CAMTA1: variants seen among roughly 807,000 people sequenced by gnomAD.
CAMTA1 encodes calmodulin binding transcription activator 1.
A neutral mutation model predicts 170.9 loss-of-function variants in CAMTA1; 27 were observed. That is an observed-to-expected ratio of 0.16 (90% CI 0.12 to 0.22). The LOEUF (loss-of-function observed/expected upper bound fraction) is 0.22, where lower values mean the gene tolerates loss of function less well. CAMTA1 is among the 10% of genes least tolerant of loss of function. The pLI is 1.00. For missense variants in CAMTA1, 1,619 were observed against 2,217.2 expected (o/e 0.73, Z 5.42); for synonymous variants, 833 against 891.5 (o/e 0.93, Z 1.17).
chr1:6,921,935 C>G lies in CAMTA1; in HGVS notation c.234+96725C>G, dbSNP rs1374186906. 2.6e-5 allele frequency among the ~76,000 whole-genome samples: 4 copies of G among 152,280 alleles called. No individual in the cohort carries two copies. In the East Asian group the frequency reaches 7.7e-4, roughly 29 times the overall value. On this transcript the variant is annotated intron_variant, in intron 3 of 22. Coordinates refer to ENST00000303635, the MANE Select transcript of CAMTA1 (RefSeq NM_015215.4). The stretch of plus-strand genomic sequence containing the variant: ...ACAGAGCCAAACCATATCAGTGGGG[C>G]TGACCCAGGATGGCCAACTTCTGAT...
intron 6 of CAMTA1, among the ~76,000 whole-genome samples, chr1:7,597,119 C>T (rs908816072): frequency 6.6e-6 from 1 of 152,172 alleles, no homozygotes; most frequent in Non-Finnish European, 1.5e-5. Flanking sequence ...CACGAGCCCA[C>T]TTACCCAGTG....
chr1:7,122,377 C>G (rs1313219277), intron 4 of CAMTA1, among the ~76,000 whole-genome samples: 1 of 152,048 alleles, frequency 6.6e-6, no homozygotes, highest in Non-Finnish European at 1.5e-5. Context: ...GAAATGGAGA[C>G]AGCTCACGGA....
intron 3 of CAMTA1, among the ~76,000 whole-genome samples, chr1:6,948,767 G>A (rs1351419551): frequency 6.6e-6 from 1 of 152,134 alleles, no homozygotes; most frequent in Non-Finnish European, 1.5e-5. Flanking sequence ...CATGTACTCA[G>A]CTCAGAAATG....
chr1:7,068,988 G>A (rs1005781122), intron 3 of CAMTA1, among the ~76,000 whole-genome samples: 4 of 152,198 alleles, frequency 2.6e-5, no homozygotes, highest in Non-Finnish European at 1.5e-5. Context: ...GACGGTGGGA[G>A]GAATGGCCAA....
At chr1:6,871,662 T>C in intron 3 of CAMTA1, 1 of 1,063,360 alleles carries the variant, frequency 9.4e-7, no homozygotes, top group South Asian at 1.4e-5. Flanking sequence ...ACATCAGGAA[T>C]GATGGGGTTC....
chr1:6,852,666 C>T (rs889810775), intron 3 of CAMTA1, among the ~76,000 whole-genome samples: 1 of 152,234 alleles, frequency 6.6e-6, no homozygotes, highest in Non-Finnish European at 1.5e-5. Flanking sequence ...AACTTGCACA[C>T]CCTCTCCAGG....
chr1:7,575,380 T>G (rs1056902869), intron 6 of CAMTA1, among the ~76,000 whole-genome samples: 1 of 151,534 alleles, frequency 6.6e-6, no homozygotes, highest in African/African-American at 2.4e-5. Context: ...GGCAGGGAGG[T>G]GGGTCAGACG....
At chr1:7,450,617 C>T (rs186749852) in intron 5 of CAMTA1, among the ~76,000 whole-genome samples, 22 of 152,220 alleles carry the variant, frequency 1.4e-4, no homozygotes, top group African/African-American at 5.3e-4. Flanking sequence ...AATACCGCCC[C>T]GTGCAGGTTA....
At chr1:6,885,765 A>G (rs1352594753) in intron 3 of CAMTA1, among the ~76,000 whole-genome samples, 1 of 152,122 alleles carries the variant, frequency 6.6e-6, no homozygotes, top group African/African-American at 2.4e-5. Flanking sequence ...GAAGTGCAAC[A>G]TGCCCCACCC....
At position 6,798,638 on chromosome 1, in the gene CAMTA1, G is replaced by A. The variant is rs1325184401; in HGVS notation, c.45+13063G>A. ...GGAGTCTCGCTCTGTCGCCCAGGCCGGACTGCGGACTGCAGTGGCGCAATC... is the reference window on the plus strand; with the variant it reads ...GGAGTCTCGCTCTGTCGCCCAGGCCAGACTGCGGACTGCAGTGGCGCAATC... On this transcript the variant is annotated intron_variant, in intron 1 of 22. Coordinates refer to ENST00000303635, the MANE Select transcript of CAMTA1 (RefSeq NM_015215.4). 7.1e-5 allele frequency among the ~76,000 whole-genome samples: 7 copies of A among 99,198 alleles called. 1 individual carries two copies. In the South Asian group the frequency reaches 1.7e-3, roughly 24 times the overall value. 65.1% of individuals were successfully genotyped at this position (99,198 alleles called of 152,430 possible). A position where few individuals can be genotyped will look rare whatever the true frequency, so the allele number is the denominator to read the frequency against.
At chr1:7,498,664 GACT>G (rs770689447) in intron 6 of CAMTA1, among the ~76,000 whole-genome samples, 10 of 152,268 alleles carry the variant, frequency 6.6e-5, no homozygotes, top group African/African-American at 9.6e-5. Flanking sequence ...GTGGATGTAT[GACT>G]ACATTGAGTG....
intron 3 of CAMTA1, among the ~76,000 whole-genome samples, chr1:6,987,550 T>G (rs1038394210): frequency 3.3e-5 from 5 of 152,238 alleles, no homozygotes; most frequent in African/African-American, 9.6e-5. Context: ...CAGTCCAGGT[T>G]GAGGACCACC....
intron 7 of CAMTA1, among the ~76,000 whole-genome samples, chr1:7,652,422 C>T (rs910555125): frequency 6.6e-6 from 1 of 152,186 alleles, no homozygotes; most frequent in Non-Finnish European, 1.5e-5. Flanking sequence ...GTCTGGGTGG[C>T]TTGGCCAGAT....
chr1:7,691,534 T>C (rs2096311631), intron 11 of CAMTA1, among the ~76,000 whole-genome samples: 1 of 152,128 alleles, frequency 6.6e-6, no homozygotes, highest in Non-Finnish European at 1.5e-5. Flanking sequence ...AACTTGGCAG[T>C]TCTGGGGGCA....
chr1:7,555,113 C>T (rs2150210570), intron 6 of CAMTA1, among the ~76,000 whole-genome samples: 1 of 152,106 alleles, frequency 6.6e-6, no homozygotes, highest in Admixed American at 6.5e-5. Context: ...CCCCAGCTGC[C>T]CCTTCAAAGC....
At chr1:7,436,723 T>G (rs193243884) in intron 5 of CAMTA1, among the ~76,000 whole-genome samples, 19 of 152,288 alleles carry the variant, frequency 1.2e-4, no homozygotes, top group African/African-American at 4.6e-4. Flanking sequence ...AGGGTCATTT[T>G]GTTTAGTTTC....
At chr1:7,423,191 C>T (rs1047864954) in intron 5 of CAMTA1, among the ~76,000 whole-genome samples, 2 of 152,170 alleles carry the variant, frequency 1.3e-5, no homozygotes, top group African/African-American at 4.8e-5. Context: ...GTGCACAGGG[C>T]CAGGCGTGGT....
chr1:7,511,066 T>G (rs888261017), intron 6 of CAMTA1, among the ~76,000 whole-genome samples: 2 of 145,526 alleles, frequency 1.4e-5, no homozygotes, highest in African/African-American at 4.9e-5. Flanking sequence ...AGGCATTCTT[T>G]CCACAGCCAG....
intron 4 of CAMTA1, among the ~76,000 whole-genome samples, chr1:7,118,785 C>A (rs528578205): frequency 3.3e-5 from 5 of 152,238 alleles, no homozygotes; most frequent in African/African-American, 1.2e-4. Flanking sequence ...GCACCAGAAC[C>A]ATTTGTGTGT....
Sources: allele counts gnomAD v4.1 joint callset (sites outside exome capture counted in the v4.1 genomes callset), GRCh38; gene constraint gnomAD v4.1.1; transcripts MANE v1.5; gene names NCBI Gene and HGNC (gene_info 2026-07-23, HGNC 2026-07-21).